Variants in SEMA5A observed in about 807,000 individuals in gnomAD.
The protein encoded by SEMA5A is semaphorin-5A.
In SEMA5A, 55 loss-of-function variants were observed where a neutral mutation model predicts 135.5. The observed-to-expected ratio is 0.41, with a 90% CI of 0.33 to 0.51. SEMA5A has a LOEUF of 0.51. Among genes scored for constraint, SEMA5A ranks in the 20% least tolerant of loss-of-function variants. SEMA5A has a pLI of 0.37. For synonymous variants in SEMA5A, 580 were observed against 546.5 expected (o/e 1.06, Z -0.85); for missense variants, 1,290 against 1,419.9 (o/e 0.91, Z 1.47).
At chr5:9,481,431 G>A (rs1759872671) in intron 1 of SEMA5A, among the ~76,000 whole-genome samples, 2 of 152,068 alleles carry the variant, frequency 1.3e-5, no homozygotes, top group Admixed American at 6.5e-5. Flanking sequence ...TCAATAGGAG[G>A]TCAACTCAAA....
chr5:9,145,351 C>T (rs1372810827), intron 12 of SEMA5A, among the ~76,000 whole-genome samples: 1 of 152,216 alleles, frequency 6.6e-6, no homozygotes, highest in Non-Finnish European at 1.5e-5. Context: ...TATGGTCACA[C>T]ACACAAAAGC....
At chr5:9,502,751 G>A (rs886227701) in intron 1 of SEMA5A, among the ~76,000 whole-genome samples, 1 of 152,116 alleles carries the variant, frequency 6.6e-6, no homozygotes, top group Admixed American at 6.5e-5. Flanking sequence ...AAATCCACCA[G>A]AGACAAGATG....
At chr5:9,455,223 C>T (rs1334757071) in intron 1 of SEMA5A, among the ~76,000 whole-genome samples, 2 of 151,686 alleles carry the variant, frequency 1.3e-5, no homozygotes, top group African/African-American at 4.9e-5. Context: ...TAGCATATTG[C>T]AGTTTAATTT....
At chr5:9,335,114 G>A (rs928518344) in intron 4 of SEMA5A, among the ~76,000 whole-genome samples, 1 of 152,116 alleles carries the variant, frequency 6.6e-6, no homozygotes, top group South Asian at 2.1e-4. Flanking sequence ...GAGACATTGG[G>A]ATGGAGACGA....
At chr5:9,149,001 T>G (rs1473592193) in intron 12 of SEMA5A, among the ~76,000 whole-genome samples, 1 of 152,186 alleles carries the variant, frequency 6.6e-6, no homozygotes, top group East Asian at 1.9e-4. Context: ...ATTACAAGTG[T>G]GAGCCACCAT....
intron 2 of SEMA5A, among the ~76,000 whole-genome samples, chr5:9,410,858 A>T (rs1208545709): frequency 6.7e-6 from 1 of 148,602 alleles, no homozygotes; most frequent in African/African-American, 2.5e-5. Flanking sequence ...AAAAAATTTT[A>T]AAGAATAAAA....
At chr5:9,518,444 CTGAA>C (rs1716792094) in intron 1 of SEMA5A, among the ~76,000 whole-genome samples, 1 of 152,182 alleles carries the variant, frequency 6.6e-6, no homozygotes, top group Non-Finnish European at 1.5e-5. Flanking sequence ...CCTAAGGAAG[CTGAA>C]TGAATGATCT....
chr5:9,350,495 T>C (rs949275366), intron 3 of SEMA5A, among the ~76,000 whole-genome samples: 1 of 152,198 alleles, frequency 6.6e-6, no homozygotes, highest in Non-Finnish European at 1.5e-5. Flanking sequence ...CTTTGATCCA[T>C]GCCAGATAGT....
At chr5:9,497,023 C>T (rs1004972184) in intron 1 of SEMA5A, among the ~76,000 whole-genome samples, 9 of 152,176 alleles carry the variant, frequency 5.9e-5, no homozygotes, top group African/African-American at 2.2e-4. Context: ...GTCTTTTAAA[C>T]TAGTTAATCT....
At chr5:9,155,462 A>G (rs1404351171) in intron 11 of SEMA5A, among the ~76,000 whole-genome samples, 1 of 150,984 alleles carries the variant, frequency 6.6e-6, no homozygotes, top group East Asian at 1.9e-4. Flanking sequence ...ACACAGTTGA[A>G]ACGAACATTG....
At chr5:9,438,264 T>C (rs1052857910) in intron 1 of SEMA5A, among the ~76,000 whole-genome samples, 5 of 152,188 alleles carry the variant, frequency 3.3e-5, no homozygotes, top group Admixed American at 1.3e-4. Flanking sequence ...TGGTACCTTA[T>C]ACAATTCAAG....
rs184045149 is a variant in SEMA5A at position 9,204,833 on chromosome 5, C to T, written c.647-2593G>A. ...GAATGTTACCTCCTGAGCTCCGCCT[C>T]CCGTCAGATCAGTGGCAGCATTAAA... On this transcript the variant is annotated intron_variant, in intron 8 of 22. Coordinates refer to ENST00000382496, the MANE Select transcript of SEMA5A (RefSeq NM_003966.3). The surrounding 1 kb of genome is among the most constrained non-coding windows in gnomAD (Gnocchi z 6.4). Among the ~76,000 whole-genome samples the T allele has an allele frequency of 6.6e-6, 1 of 152,262 alleles. No homozygotes were observed. Among genetic ancestry groups the T allele is most frequent in the Admixed American group, 6.5e-5 (1 of 15,290 alleles).
intron 3 of SEMA5A, among the ~76,000 whole-genome samples, chr5:9,338,079 T>C (rs1753476576): frequency 6.6e-6 from 1 of 152,182 alleles, no homozygotes; most frequent in Admixed American, 6.5e-5. Flanking sequence ...AGATGTGCAT[T>C]TTCCTTTTGG....
intron 1 of SEMA5A, among the ~76,000 whole-genome samples, chr5:9,449,584 G>GA (rs976123572): frequency 0.01 from 1,446 of 141,990 alleles, 22 homozygotes; most frequent in African/African-American, 0.035. Flanking sequence ...AAAGTTGAAG[G>GA]AAAAAAAAAA....
intron 3 of SEMA5A, among the ~76,000 whole-genome samples, chr5:9,356,782 G>C (rs1248417076): frequency 1.3e-5 from 2 of 152,182 alleles, no homozygotes; most frequent in African/African-American, 4.8e-5. Context: ...AAGCAGCTCT[G>C]TGTTATGAGC....
intron 3 of SEMA5A, among the ~76,000 whole-genome samples, chr5:9,377,131 A>G (rs886678522): frequency 3.6e-4 from 55 of 151,854 alleles, no homozygotes; most frequent in African/African-American, 1.3e-3. Flanking sequence ...AAAGAATGAC[A>G]TCAATCTCTA....
chr5:9,455,415 C>A (rs1324153914), intron 1 of SEMA5A, among the ~76,000 whole-genome samples: 2 of 151,926 alleles, frequency 1.3e-5, no homozygotes, highest in Non-Finnish European at 2.9e-5. Flanking sequence ...GCCACCATGC[C>A]CAGCTAATTT....
At position 9,108,212 on chromosome 5, in the gene SEMA5A, G is replaced by A; in HGVS notation, c.2001C>T (p.Ala667=). Residue 667 remains alanine, a synonymous_variant, in exon 16 of 23, where the codon GCC becomes GCT. Transcript: ENST00000382496. ...GAGCTTGAATGCCACCCCCGCATTG[G>A]GCTGTGCACCGTTCCCAAGGACCCC... ...TGWGPWERCT[A]QCGGGIQARR... is the part of the protein sequence containing the mutation. 1 of 1,614,162 alleles carries A rather than the reference G, an allele frequency of 6.2e-7. No homozygotes were observed. The highest frequency in any genetic ancestry group is 8.5e-7 in the Non-Finnish European group (1 of 1,180,022).
At chr5:9,520,643 T>C (rs1254714792) in intron 1 of SEMA5A, among the ~76,000 whole-genome samples, 22 of 152,208 alleles carry the variant, frequency 1.4e-4, no homozygotes. Context: ...GCATCACTGG[T>C]AAGTCCTGTC....
Sources: allele counts gnomAD v4.1 joint callset (sites outside exome capture counted in the v4.1 genomes callset), GRCh38; gene constraint gnomAD v4.1.1; non-coding constraint Gnocchi (gnomAD v3.1); transcripts MANE v1.5; gene names NCBI Gene and HGNC (gene_info 2026-07-23, HGNC 2026-07-21).